Variants in FHIT observed in about 807,000 individuals in gnomAD.
FHIT encodes the protein fragile histidine triad diadenosine triphosphatase, also known as bis(5'-adenosyl)-triphosphatase.
FHIT carries 19 observed loss-of-function variants against 17.9 expected under a neutral mutation model. The observed-to-expected ratio is 1.06, with a 90% confidence interval of 0.74 to 1.56. The LOEUF is 1.56. Ranked by LOEUF, FHIT falls within the 40% of genes most tolerant of loss-of-function variation. The pLI, the probability that FHIT is intolerant of heterozygous loss-of-function variation, is 0.00. For synonymous variants in FHIT, 81 were observed against 69.7 expected, an observed-to-expected ratio of 1.16 and a Z score of -0.81; for missense variants, 248 against 189.2, an observed-to-expected ratio of 1.31 and a Z score of -1.82.
At chr3:60,230,222 A>C (rs6764230) in intron 5 of FHIT, among the ~76,000 whole-genome samples, 38,054 of 152,130 alleles carry the variant, frequency 0.25, 4,980 homozygotes, top group Middle Eastern at 0.34. Context: ...GACCAGATAA[A>C]AGAGCATGTC....
intron 7 of FHIT, among the ~76,000 whole-genome samples, chr3:59,996,705 A>C (rs1415596342): frequency 6.6e-6 from 1 of 152,104 alleles, no homozygotes. Context: ...ATTAGACATG[A>C]GAATAGTCAA....
chr3:60,246,161 G>C (rs1404513670), intron 5 of FHIT, among the ~76,000 whole-genome samples: 4 of 152,164 alleles, frequency 2.6e-5, no homozygotes, highest in Non-Finnish European at 5.9e-5. Flanking sequence ...GGCAAATGAG[G>C]TAGAAATGGA....
intron 5 of FHIT, among the ~76,000 whole-genome samples, chr3:60,515,881 G>T (rs1490637683): frequency 6.6e-6 from 1 of 152,142 alleles, no homozygotes; most frequent in Admixed American, 6.5e-5. Flanking sequence ...AACTGAGCTT[G>T]GATTCACATC....
intron 5 of FHIT, among the ~76,000 whole-genome samples, chr3:60,374,340 A>G (rs1226149109): frequency 2.0e-5 from 3 of 151,982 alleles, no homozygotes; most frequent in African/African-American, 4.8e-5. Flanking sequence ...TTTTTAAACA[A>G]TATTTGATGA....
At chr3:60,889,522 GC>G (rs1298359055) in intron 3 of FHIT, among the ~76,000 whole-genome samples, 1 of 152,142 alleles carries the variant, frequency 6.6e-6, no homozygotes, top group Non-Finnish European at 1.5e-5. Context: ...ACTTCTATAT[GC>G]CAGACCAACT....
At chr3:59,861,675 A>G (rs1280621816) in intron 8 of FHIT, among the ~76,000 whole-genome samples, 1 of 152,210 alleles carries the variant, frequency 6.6e-6, no homozygotes, top group Non-Finnish European at 1.5e-5. Flanking sequence ...ACTCTACTGA[A>G]AATCACATTC....
Position 60,219,775 on chromosome 3 carries a change from T to TAG in FHIT, c.104-205625_104-205624dup, listed in dbSNP as rs1245482642. Among the ~76,000 whole-genome samples, 3 of 152,142 alleles carry TAG rather than the reference T, an allele frequency of 2.0e-5. 1 individual carries two copies. On this transcript the variant is annotated intron_variant, in intron 5 of 9. Transcript: ENST00000492590. ...CCAGAAGCTAATGAAGTAAAAGCTT[T>TAG]AGGGCTTCTTAGGCTAACACCCCTT...
chr3:60,214,870 C>T (rs566937807), intron 5 of FHIT, among the ~76,000 whole-genome samples: 3 of 152,192 alleles, frequency 2.0e-5, no homozygotes, highest in Admixed American at 6.5e-5. Context: ...TTTGCAGCAA[C>T]GTGGATGCAG....
intron 8 of FHIT, among the ~76,000 whole-genome samples, chr3:59,767,258 G>A (rs1010307401): frequency 3.9e-5 from 6 of 152,148 alleles, no homozygotes; most frequent in African/African-American, 7.2e-5. Context: ...CAGCACTTTC[G>A]GAGGCTGAGG....
At chr3:60,391,494 T>A (rs1458477894) in intron 5 of FHIT, among the ~76,000 whole-genome samples, 1 of 152,190 alleles carries the variant, frequency 6.6e-6, no homozygotes, top group African/African-American at 2.4e-5. Context: ...ACTTATGTAC[T>A]GACTCATCCT....
chr3:60,311,800 T>C (rs2106761576), intron 5 of FHIT, among the ~76,000 whole-genome samples: 1 of 152,306 alleles, frequency 6.6e-6, no homozygotes, highest in Non-Finnish European at 1.5e-5. Context: ...CATGCCCTTT[T>C]CTTAAACATG....
chr3:61,214,786 G>A (rs1261926697), intron 1 of FHIT, among the ~76,000 whole-genome samples: 1 of 152,198 alleles, frequency 6.6e-6, no homozygotes, highest in Non-Finnish European at 1.5e-5. Context: ...GAATCCAGCA[G>A]CACATCACAA....
intron 4 of FHIT, among the ~76,000 whole-genome samples, chr3:60,759,044 C>T (rs1170644418): frequency 1.3e-5 from 2 of 152,014 alleles, no homozygotes; most frequent in African/African-American, 4.8e-5. Context: ...GTGGGTGGCA[C>T]TTTTGAGTAC....
chr3:61,146,225 T>C (rs183769692), intron 2 of FHIT, among the ~76,000 whole-genome samples: 1 of 152,164 alleles, frequency 6.6e-6, no homozygotes, highest in East Asian at 1.9e-4. Flanking sequence ...CTGCCTAGCA[T>C]TACCTTGCTA....
At chr3:59,985,353 T>C (rs906020724) in intron 7 of FHIT, among the ~76,000 whole-genome samples, 2 of 152,064 alleles carry the variant, frequency 1.3e-5, no homozygotes, top group African/African-American at 4.8e-5. Flanking sequence ...ACTCCAGACA[T>C]AGGGGGTTAT....
At chr3:60,674,128 T>G (rs1282008675) in intron 4 of FHIT, among the ~76,000 whole-genome samples, 1 of 152,154 alleles carries the variant, frequency 6.6e-6, no homozygotes, top group Non-Finnish European at 1.5e-5. Flanking sequence ...ATCAGACAAT[T>G]TCTACTGATC....
chr3:60,012,254 GTTTTTTTTGTTGTT>G (rs1479267133), intron 6 of FHIT, among the ~76,000 whole-genome samples: 27 of 132,306 alleles, frequency 2.0e-4, no homozygotes, highest in African/African-American at 7.5e-4. Flanking sequence ...TAAATCAGGT[GTTTTTTTTGTTGTT>G]TTTTTTTTTT....
intron 5 of FHIT, among the ~76,000 whole-genome samples, chr3:60,171,936 G>A (rs750467819): frequency 1.4e-4 from 22 of 152,058 alleles, no homozygotes; most frequent in Non-Finnish European, 1.5e-5. Context: ...TGGCCTCAGT[G>A]ATCCCTCTTG....
intron 4 of FHIT, among the ~76,000 whole-genome samples, chr3:60,768,252 G>A (rs567319660): frequency 2.0e-5 from 3 of 152,290 alleles, no homozygotes; most frequent in South Asian, 2.1e-4. Flanking sequence ...GCTCATGAAT[G>A]AGGCATTAGG....
Sources: allele counts gnomAD v4.1 joint callset (sites outside exome capture counted in the v4.1 genomes callset), GRCh38; gene constraint gnomAD v4.1.1; transcripts MANE v1.5; gene names NCBI Gene and HGNC (gene_info 2026-07-23, HGNC 2026-07-21).